YIPF7: variants seen among roughly 807,000 people sequenced by gnomAD.
YIPF7 encodes the protein protein YIPF7.
In YIPF7, 35 loss-of-function variants were observed where a neutral mutation model predicts 27.2. The observed-to-expected ratio is 1.29, with a 90% CI of 0.98 to 1.70. The LOEUF (loss-of-function observed/expected upper bound fraction) is 1.70. Ranked by LOEUF, YIPF7 falls within the 40% of genes most tolerant of loss-of-function variation. The probability of loss-of-function intolerance (pLI) is 0.00; values close to 1 mark genes in which losing one functional copy is unlikely to be tolerated. For synonymous variants in YIPF7, 137 were observed against 110.4 expected, an observed-to-expected ratio of 1.24 and a Z score of -1.51; for missense variants, 358 against 303.7, an observed-to-expected ratio of 1.18 and a Z score of -1.33.
chr4:44,658,443 C>G (rs1415282342), intron 2 of YIPF7, among the ~76,000 whole-genome samples: 1 of 152,116 alleles, frequency 6.6e-6, no homozygotes, highest in Non-Finnish European at 1.5e-5. Flanking sequence ...TTTATTGAAG[C>G]CTGAATAGAC....
upstream of YIPF7, among the ~76,000 whole-genome samples, chr4:44,655,196 T>G (rs1713855873): frequency 6.6e-6 from 1 of 152,062 alleles, no homozygotes; most frequent in South Asian, 2.1e-4. Flanking sequence ...TATGGATGAA[T>G]CATAACTATT....
At chr4:44,651,061 T>C (rs1198592006) in intron 1 of YIPF7, among the ~76,000 whole-genome samples, 2 of 152,228 alleles carry the variant, frequency 1.3e-5, no homozygotes, top group East Asian at 3.8e-4. Context: ...CATATGCTTA[T>C]AATAATCTAT....
intron 1 of YIPF7, among the ~76,000 whole-genome samples, chr4:44,661,712 G>A (rs1167922836): frequency 6.6e-6 from 1 of 152,166 alleles, no homozygotes; most frequent in Non-Finnish European, 1.5e-5. Context: ...TCATTGGGAG[G>A]TGAGAATTAT....
chr4:44,636,715 G>C (rs1713135250), intron 2 of YIPF7, among the ~76,000 whole-genome samples: 1 of 152,056 alleles, frequency 6.6e-6, no homozygotes, highest in Non-Finnish European at 1.5e-5. Context: ...TTGTCTCTGA[G>C]TTCCTAGCTA....
chr4:44,624,612 G>T lies in YIPF7; in HGVS notation c.597C>A (p.Phe199Leu). 1.3e-6 allele frequency: 2 copies of T among 1,589,642 alleles called. No homozygotes were observed. The highest frequency in any genetic ancestry group is 8.6e-7 in the Non-Finnish European group (1 of 1,169,096). Residue 199 changes from phenylalanine (F) to leucine (L), a missense_variant, in exon 5 of 6, where the codon TTC (phenylalanine) becomes TTA (leucine). By Grantham distance (22) the Phe-to-Leu change is conservative. Coordinates refer to ENST00000415895, the MANE Select transcript of YIPF7 (RefSeq NM_182592.3). ...ACACAGACACTTACTGCAGTGAAAA[G>T]AACATGGCGCAACCAGACAGGATGA... ...PMVILSGCAM[F>L]FSLQGIFGIM...
intron 2 of YIPF7, among the ~76,000 whole-genome samples, chr4:44,658,867 T>A (rs1356570540): frequency 6.6e-6 from 1 of 152,162 alleles, no homozygotes; most frequent in Non-Finnish European, 1.5e-5. Context: ...ACTGCCTCCA[T>A]GATTCGATTA....
In YIPF7 at chr4:44,622,378, GCAAA is replaced by G; in HGVS notation, c.*32_*35del. On this transcript the variant is annotated 3_prime_UTR_variant, in exon 6 of 6. Coordinates refer to ENST00000415895, the MANE Select transcript of YIPF7 (RefSeq NM_182592.3). ...ATATATTTCCAAAATAATCTGGACA[GCAAA>G]CAGAGTCTTGAAATGCCATCTCAAA... The G allele has an allele frequency of 6.3e-7, 1 of 1,589,818 alleles. No homozygotes were observed. The highest frequency in any genetic ancestry group is 8.6e-7 in the Non-Finnish European group (1 of 1,168,742).
At chr4:44,629,649 A>G in intron 3 of YIPF7, 101 bp from the exon 4 acceptor site, 1 of 896,874 alleles carries the variant, frequency 1.1e-6, no homozygotes, top group Non-Finnish European at 1.6e-6. Context: ...TAATTTACTT[A>G]GCATTTTAAT....
intron 2 of YIPF7, among the ~76,000 whole-genome samples, chr4:44,642,010 G>A (rs1159632744): frequency 3.3e-5 from 5 of 151,976 alleles, no homozygotes; most frequent in African/African-American, 1.2e-4. Flanking sequence ...AGCCTTTCCA[G>A]AAAAATGAAA....
upstream of YIPF7, among the ~76,000 whole-genome samples, chr4:44,653,604 A>G (rs1378783613): frequency 6.6e-6 from 1 of 152,148 alleles, no homozygotes; most frequent in African/African-American, 2.4e-5. Context: ...TACAGAAGAT[A>G]TTTGGGAAAG....
chr4:44,650,126 A>G (rs1271640129), intron 1 of YIPF7, 25 bp from the exon 2 acceptor site: 2 of 1,349,040 alleles, frequency 1.5e-6, no homozygotes, highest in Admixed American at 2.0e-5. Flanking sequence ...TATGTTTTTA[A>G]TAAGTTCATG....
chr4:44,624,577 C>T, intron 5 of YIPF7, 24 bp downstream of exon 5: 4 of 1,547,710 alleles, frequency 2.6e-6, no homozygotes, highest in Non-Finnish European at 3.5e-6. Context: ...CATGTGGGGT[C>T]ATTGAGAGCA....
chr4:44,658,664 A>C (rs1713966951), intron 2 of YIPF7, among the ~76,000 whole-genome samples: 1 of 152,222 alleles, frequency 6.6e-6, no homozygotes, highest in Non-Finnish European at 1.5e-5. Flanking sequence ...TATTTGTATT[A>C]GTAGTTTTCA....
chr4:44,640,340 CTT>C (rs1165738463), intron 2 of YIPF7, among the ~76,000 whole-genome samples: 1 of 152,202 alleles, frequency 6.6e-6, no homozygotes, highest in African/African-American at 2.4e-5. Context: ...TTGACAGACT[CTT>C]TATTGCTGAT....
At chr4:44,635,584 G>A (rs1481182003) in intron 3 of YIPF7, among the ~76,000 whole-genome samples, 1 of 152,196 alleles carries the variant, frequency 6.6e-6, no homozygotes, top group African/African-American at 2.4e-5. Flanking sequence ...CATTAACAGG[G>A]TGGGAAGGGT....
intron 2 of YIPF7, among the ~76,000 whole-genome samples, chr4:44,646,941 G>A (rs1015613885): frequency 1.3e-5 from 2 of 152,080 alleles, no homozygotes; most frequent in African/African-American, 4.8e-5. Flanking sequence ...TATTTTAATT[G>A]AACTATTCAT....
chr4:44,629,698 G>A, intron 3 of YIPF7, 150 bp from the exon 4 acceptor site: 1 of 490,840 alleles, frequency 2.0e-6, no homozygotes, highest in South Asian at 7.5e-5. Flanking sequence ...TCTATGTTCT[G>A]TATTACACAG....
intron 3 of YIPF7, among the ~76,000 whole-genome samples, chr4:44,634,395 C>T (rs1217643902): frequency 3.3e-5 from 5 of 151,842 alleles, no homozygotes; most frequent in African/African-American, 1.2e-4. Flanking sequence ...TAGCCATGCA[C>T]GGTGGTGTGC....
intron 2 of YIPF7, among the ~76,000 whole-genome samples, chr4:44,658,553 CG>C (rs1348938956): frequency 1.3e-5 from 2 of 151,932 alleles, no homozygotes; most frequent in Non-Finnish European, 2.9e-5. Flanking sequence ...CAATATATAC[CG>C]GGGGAATGAA....
Sources: gnomAD v4.1 joint callset for allele counts (sites outside exome capture counted in the v4.1 genomes callset) on GRCh38, gnomAD v4.1.1 for gene constraint, MANE v1.5 for transcripts, NCBI Gene and HGNC (gene_info 2026-07-23, HGNC 2026-07-21) for gene names.